The following TEP1 variants were observed in gnomAD, a reference collection of about 807,000 sequenced individuals.
TEP1 encodes the protein telomerase associated protein 1.
A neutral mutation model predicts 306.3 loss-of-function variants in TEP1; 241 were observed. The observed-to-expected ratio is 0.79, with a 90% confidence interval of 0.71 to 0.88. The LOEUF (loss-of-function observed/expected upper bound fraction) is 0.88. TEP1 is among the 40% of genes least tolerant of loss of function. The pLI, the probability that TEP1 is intolerant of heterozygous loss-of-function variation, is 0.00. For missense variants in TEP1, 3,051 were observed against 3,276.1 expected (o/e 0.93, Z 1.68); for synonymous variants, 1,289 against 1,305.5 (o/e 0.99, Z 0.27).
At position 20,366,348 on chromosome 14, in the gene TEP1, G is replaced by A. The variant is rs1340439749; in HGVS notation, c.*2089C>T. 2 of 152,210 alleles carry A rather than the reference G, an allele frequency of 1.3e-5. No individual in the cohort carries two copies. The highest frequency in any genetic ancestry group is 1.3e-4 in the Admixed American group (2 of 15,266). 9.4% of individuals were successfully genotyped at this position (152,210 alleles called of 1,614,324 possible). A position where few individuals can be genotyped will look rare whatever the true frequency, so the allele number is the denominator to read the frequency against. ...GCCCAAGATTTTAGGGGAGCAAAAG[G>A]CAAAAGATTGAAATCAATGACTAGG... is the stretch of plus-strand genomic sequence containing the variant. On this transcript the variant is annotated 3_prime_UTR_variant, in exon 55 of 55. Coordinates refer to ENST00000262715, the MANE Select transcript of TEP1 (RefSeq NM_007110.5).
rs144898570 is a variant in TEP1 at position 20,376,222 on chromosome 14, C to T, written c.6131G>A (p.Arg2044Gln). The T allele has an allele frequency of 9.3e-6, 15 of 1,614,016 alleles. No homozygotes were observed. The highest frequency in any genetic ancestry group is 1.3e-5 in the Non-Finnish European group (15 of 1,180,026). ...GGGAAAGTCTTCTGCCTTGTGTGGC[C>T]GCGTCAGCAGCTGCCTTGGCCACAG... Reference protein sequence around the residue: ...VQLWPRQLLTRPHKAEDFPCG... With the variant: ...VQLWPRQLLTQPHKAEDFPCG... Residue 2044 changes from arginine to glutamine, a missense_variant, in exon 42 of 55, where the codon CGG becomes CAG. Physicochemically the swap from Arg to Gln is conservative, Grantham distance 43 (BLOSUM62 1). Around this residue, in one of 3 missense-constraint regions of TEP1, gnomAD observed 1,540 missense variants for 1,705.9 expected, o/e 0.90. Coordinates refer to ENST00000262715, the MANE Select transcript of TEP1 (RefSeq NM_007110.5).
rs1876507061 is a variant in TEP1 at position 20,381,300 on chromosome 14, T to A, written c.4647+13A>T. ...CACTTTGGGAAAGGTGTCTATGGGGTCTAGGAACTAACCAGGTGGTAAGGC... is the reference window on the plus strand; with the variant it reads ...CACTTTGGGAAAGGTGTCTATGGGGACTAGGAACTAACCAGGTGGTAAGGC... On this transcript the variant is annotated intron_variant, in intron 32 of 54. Transcript: ENST00000262715. The surrounding 1 kb of genome is among the most constrained non-coding windows in gnomAD (Gnocchi z 4.0). 1 of 1,613,650 alleles carries A rather than the reference T, an allele frequency of 6.2e-7. No homozygotes were observed. The highest frequency in any genetic ancestry group is 8.5e-7 in the Non-Finnish European group (1 of 1,179,708).
intron 28 of TEP1, 73 bp from the exon 29 acceptor site, chr14:20,382,429 G>A: frequency 6.4e-7 from 1 of 1,561,964 alleles, no homozygotes; most frequent in South Asian, 1.2e-5. Context: ...GATAGGGAAG[G>A]GGCAGCAGGA....
chr14:20,387,551 C>A (rs868405531), intron 18 of TEP1, among the ~76,000 whole-genome samples: 43 of 127,704 alleles, frequency 3.4e-4, no homozygotes, highest in African/African-American at 6.2e-4. Context: ...GACTCCGTCT[C>A]AAAAAAAAAA....
At chr14:20,370,735 T>C (rs909936187) in intron 51 of TEP1, among the ~76,000 whole-genome samples, 5 of 152,234 alleles carry the variant, frequency 3.3e-5, no homozygotes, top group Admixed American at 6.5e-5. Context: ...TAGGCTTTAG[T>C]AGATAACTTT....
At position 20,381,671 on chromosome 14, in the gene TEP1, G is replaced by T. The variant is rs1440146703; in HGVS notation, c.4440C>A (p.Gly1480=). Residue 1480 remains glycine, a synonymous_variant, in exon 31 of 55, where the codon GGC becomes GGA. Coordinates refer to ENST00000262715, the MANE Select transcript of TEP1 (RefSeq NM_007110.5). This position sits in a 1 kb window ranked among gnomAD's most constrained non-coding sequence, Gnocchi z 4.0. ...GCCGGGCACCAGGGCGCTCCAGAGG[G>T]CCCTCCCCTAGCAAACTGTCCTCGT... ...VQSLRSLLGE[G]PLERPGARLC... 1 of 1,607,092 alleles carries T rather than the reference G, an allele frequency of 6.2e-7. No homozygotes were observed. The highest frequency in any genetic ancestry group is 1.3e-5 in the African/African-American group (1 of 74,516).
chr14:20,401,235 G>A (rs1878711007), intron 8 of TEP1, 94 bp from the exon 9 acceptor site: 3 of 1,449,532 alleles, frequency 2.1e-6, no homozygotes, highest in Middle Eastern at 2.1e-4. Flanking sequence ...GGGCATGTCT[G>A]CCCAAATATG....
At chr14:20,407,453 GC>G (rs1277300707) in intron 2 of TEP1, among the ~76,000 whole-genome samples, 1 of 152,158 alleles carries the variant, frequency 6.6e-6, no homozygotes, top group Non-Finnish European at 1.5e-5. Context: ...CAATTCTCGT[GC>G]CTCAGCCTCC....
chr14:20,390,739 C>G lies in TEP1; in HGVS notation c.2276G>C (p.Gly759Ala), dbSNP rs755527252. Reference sequence around the variant, plus strand: ...TTTCCCAAAAGTATTCAGGGACCATCCATCATTTTCATCAAACTCCTGAAG... The same window carrying G: ...TTTCCCAAAAGTATTCAGGGACCATGCATCATTTTCATCAAACTCCTGAAG... ...AQVQEFDEND[G>A]WSLNTFGKYL... Residue 759 changes from glycine (G) to alanine (A), a missense_variant, in exon 15 of 55, where the codon GGA becomes GCA. By Grantham distance (60) the Gly-to-Ala change is moderately conservative. Coordinates refer to ENST00000262715, the MANE Select transcript of TEP1 (RefSeq NM_007110.5). The G allele has an allele frequency of 6.2e-7, 1 of 1,614,206 alleles. No homozygotes were observed. The highest frequency in any genetic ancestry group is 8.5e-7 in the Non-Finnish European group (1 of 1,180,038).
At chr14:20,406,695 T>C (rs1378303006) in intron 2 of TEP1, among the ~76,000 whole-genome samples, 1 of 152,172 alleles carries the variant, frequency 6.6e-6, no homozygotes, top group African/African-American at 2.4e-5. Context: ...TTCACACACC[T>C]TTTAGGATAT....
intron 9 of TEP1, 87 bp from the exon 10 acceptor site, chr14:20,396,817 G>T: frequency 1.1e-6 from 1 of 914,978 alleles, no homozygotes; most frequent in Non-Finnish European, 1.7e-6. Flanking sequence ...TACCAAGGAG[G>T]CTGAGACAGA....
intron 3 of TEP1, 39 bp from the exon 4 acceptor site, chr14:20,405,624 T>C (rs762496372): frequency 6.2e-7 from 1 of 1,605,372 alleles, no homozygotes; most frequent in Non-Finnish European, 8.5e-7. Flanking sequence ...AGAAGAGAGG[T>C]AACAAGGACC....
In TEP1 at chr14:20,405,513, G is replaced by C. The variant is rs751569123; in HGVS notation, c.808C>G (p.Leu270Val). Residue 270 changes from leucine to valine, a missense_variant, in exon 4 of 55, where the codon CTG (leucine) becomes GTG (valine). Transcript: ENST00000262715. ...CGACAGATTTCAAAAATGGCAGCCA[G>C]GGTGGGGTCAGATGTATTGTTCATG... Reference protein sequence around the residue: ...VNMNNTSDPTLAAIFEICREL... With the variant: ...VNMNNTSDPTVAAIFEICREL... 2 of 1,614,226 alleles carry C rather than the reference G, an allele frequency of 1.2e-6. No individual in the cohort carries two copies. Among genetic ancestry groups the C allele is most frequent in the East Asian group, 2.2e-5 (1 of 44,888 alleles).
chr14:20,369,028 A>G (rs1884654257), intron 53 of TEP1, 126 bp from the exon 54 acceptor site: 5 of 713,364 alleles, frequency 7.0e-6, no homozygotes, highest in Admixed American at 2.7e-5. Flanking sequence ...TTTTTTTGAG[A>G]CAAGAGTCTC....
Position 20,384,142 on chromosome 14 carries a change from C to A in TEP1, c.3430G>T (p.Ala1144Ser), listed in dbSNP as rs1237801738. ...FQQLQKPPSP[A>S]RPRLLQDTVQ... ...GTGTCCTGAAGAAGGCGTGGCCGGG[C>A]AGGACTCGGTGGCTTCTGCAGCTGC... is the stretch of plus-strand genomic sequence containing the variant. Residue 1144 changes from alanine (A) to serine (S), a missense_variant, in exon 24 of 55, where the codon GCC becomes TCC. This residue lies in a region of TEP1 where 1,507 missense variants were observed against 1,550.5 expected (regional missense o/e 0.97). Coordinates refer to ENST00000262715, the MANE Select transcript of TEP1 (RefSeq NM_007110.5). 1.2e-6 allele frequency: 2 copies of A among 1,614,148 alleles called. No individual in the cohort carries two copies. The highest frequency in any genetic ancestry group is 3.3e-5 in the Admixed American group (2 of 60,020).
intron 44 of TEP1, among the ~76,000 whole-genome samples, chr14:20,374,165 A>G (rs890648166): frequency 2.7e-5 from 4 of 150,748 alleles, no homozygotes; most frequent in African/African-American, 9.8e-5. Flanking sequence ...ATCATAGCTC[A>G]CTGTAGCCTT....
At chr14:20,406,208 C>T (rs993288971) in intron 3 of TEP1, 25 bp downstream of exon 3, 2 of 1,612,880 alleles carry the variant, frequency 1.2e-6, no homozygotes, top group Admixed American at 1.7e-5. Context: ...CATTATTAAC[C>T]TTCCCCTAAC....
intron 21 of TEP1, 28 bp from the exon 22 acceptor site, chr14:20,384,741 A>C: frequency 6.2e-7 from 1 of 1,600,436 alleles, no homozygotes; most frequent in Non-Finnish European, 8.5e-7. Flanking sequence ...CAAAAGTTGG[A>C]ATAGACTCAG....
rs765291372 is a variant in TEP1 at position 20,401,077 on chromosome 14, C to G, written c.1456G>C (p.Ala486Pro). Residue 486 changes from alanine (A) to proline (P), a missense_variant, in exon 9 of 55, where the codon GCT becomes CCT. Ala to Pro is a conservative substitution (Grantham distance 27, BLOSUM62 -1). Coordinates refer to ENST00000262715, the MANE Select transcript of TEP1 (RefSeq NM_007110.5). ...RLPGPWDSSR[A>P]GKRMKLSRPE... ...CTAGACAGCTTCATCCTCTTCCCAGCTCTGCTAGAATCCCAAGGCCCAGGA... is the reference window on the plus strand; with the variant it reads ...CTAGACAGCTTCATCCTCTTCCCAGGTCTGCTAGAATCCCAAGGCCCAGGA... 2 of 1,614,202 alleles carry G rather than the reference C, an allele frequency of 1.2e-6. No individual in the cohort carries two copies. Among genetic ancestry groups the G allele is most frequent in the African/African-American group, 1.3e-5 (1 of 75,050 alleles).
Sources: gnomAD v4.1 joint callset for allele counts (sites outside exome capture counted in the v4.1 genomes callset) on GRCh38, gnomAD v4.1.1 for gene constraint, gnomAD v4.1.1 regional missense constraint, Gnocchi (gnomAD v3.1) non-coding constraint, MANE v1.5 for transcripts, NCBI Gene and HGNC (gene_info 2026-07-23, HGNC 2026-07-21) for gene names.